Variants in PPFIA2 observed in about 807,000 individuals in gnomAD.
PPFIA2 encodes the protein liprin-alpha-2.
In PPFIA2, 46 loss-of-function variants were observed where a neutral mutation model predicts 175.5. The ratio of observed to expected loss-of-function variants is 0.26; its 90% CI spans 0.21 to 0.34. The LOEUF is 0.34. Among genes scored for constraint, PPFIA2 ranks in the 10% least tolerant of loss-of-function variants. The pLI is 1.00. For missense variants in PPFIA2, 1,179 were observed against 1,506.1 expected, an observed-to-expected ratio of 0.78 and a Z score of 3.60; for synonymous variants, 568 against 511.4, an observed-to-expected ratio of 1.11 and a Z score of -1.49.
chr12:81,529,785 A>G (rs746775161), intron 4 of PPFIA2, among the ~76,000 whole-genome samples: 16 of 151,932 alleles, frequency 1.1e-4, no homozygotes, highest in Admixed American at 3.3e-4. Flanking sequence ...TAAATTGTCC[A>G]GTTGGAGGAG....
At chr12:81,538,584 G>A (rs1008745809) in intron 4 of PPFIA2, among the ~76,000 whole-genome samples, 1 of 151,926 alleles carries the variant, frequency 6.6e-6, no homozygotes, top group Non-Finnish European at 1.5e-5. Flanking sequence ...AGGTATCATA[G>A]AGAAGATGCT....
intron 3 of PPFIA2, among the ~76,000 whole-genome samples, chr12:81,688,426 T>C (rs1195447058): frequency 2.0e-5 from 3 of 151,946 alleles, no homozygotes; most frequent in African/African-American, 7.2e-5. Flanking sequence ...GATCGGAGGC[T>C]CAATTACTGT....
At chr12:81,344,838 T>C (rs1405682377) in intron 18 of PPFIA2, 145 bp from the exon 19 acceptor site, 4 of 609,102 alleles carry the variant, frequency 6.6e-6, no homozygotes, top group Non-Finnish European at 1.1e-5. Flanking sequence ...CATATTTTAA[T>C]TACTATAAAA....
At chr12:81,660,818 A>T (rs2068704794) in intron 4 of PPFIA2, among the ~76,000 whole-genome samples, 1 of 152,228 alleles carries the variant, frequency 6.6e-6, no homozygotes, top group African/African-American at 2.4e-5. Flanking sequence ...TTACCCACAA[A>T]GGGAATCCCA....
chr12:81,569,906 C>A (rs1306523233), intron 4 of PPFIA2, among the ~76,000 whole-genome samples: 4 of 152,060 alleles, frequency 2.6e-5, no homozygotes, highest in Non-Finnish European at 5.9e-5. Flanking sequence ...TGGTAATAGG[C>A]AGTGAGGGCA....
chr12:81,449,255 A>T (rs1239092785), intron 5 of PPFIA2, among the ~76,000 whole-genome samples: 1 of 152,148 alleles, frequency 6.6e-6, no homozygotes, highest in Non-Finnish European at 1.5e-5. Context: ...AGCTGCAGCA[A>T]TCTAACTTGA....
chr12:81,753,806 T>C (rs2153666932), intron 3 of PPFIA2, among the ~76,000 whole-genome samples, 167 bp downstream of exon 3: 1 of 152,328 alleles, frequency 6.6e-6, no homozygotes, highest in East Asian at 1.9e-4. Flanking sequence ...ATGATTTTGT[T>C]TGAGGCAAGG....
chr12:81,386,249 G>A (rs2038910084), intron 8 of PPFIA2, among the ~76,000 whole-genome samples: 1 of 151,478 alleles, frequency 6.6e-6, no homozygotes, highest in African/African-American at 2.4e-5. Flanking sequence ...CAGCAATCCA[G>A]CATGGGCAAC....
intron 4 of PPFIA2, among the ~76,000 whole-genome samples, chr12:81,549,814 C>T (rs1456110270): frequency 6.6e-6 from 1 of 151,918 alleles, no homozygotes; most frequent in African/African-American, 2.4e-5. Context: ...TGCTGTCTGG[C>T]TGGTCATTTT....
chr12:81,756,233 C>G (rs748934934), intron 2 of PPFIA2, among the ~76,000 whole-genome samples: 1 of 152,106 alleles, frequency 6.6e-6, no homozygotes, highest in Non-Finnish European at 1.5e-5. Flanking sequence ...CCCAAACACT[C>G]ACAACGTTAG....
Position 81,384,231 on chromosome 12 carries a change from C to G in PPFIA2, c.776G>C (p.Gly259Ala), listed in dbSNP as rs757292505. The G allele has an allele frequency of 6.3e-7, 1 of 1,577,360 alleles. No individual in the cohort carries two copies. The highest frequency in any genetic ancestry group is 2.3e-5 in the East Asian group (1 of 43,732). ...QKVHEKRLSN[G>A]SIDSTDETSQ... Reference sequence around the variant, plus strand: ...AGTTTCATCGGTTGAGTCTATAGAACCATTGGACAAACGCTGCAGAAATAG... The same window carrying G: ...AGTTTCATCGGTTGAGTCTATAGAAGCATTGGACAAACGCTGCAGAAATAG... Residue 259 changes from glycine (G) to alanine (A), a missense_variant, in exon 9 of 33, where the codon GGT becomes GCT. Coordinates refer to ENST00000549396, the MANE Select transcript of PPFIA2 (RefSeq NM_003625.5).
In PPFIA2 at chr12:81,644,876, A is replaced by T. The variant is rs546163397; in HGVS notation, c.303+31915T>A. Among the ~76,000 whole-genome samples the T allele has an allele frequency of 1.7e-4, 26 of 152,262 alleles. No homozygotes were observed. In the South Asian group the frequency reaches 3.1e-3, roughly 18 times the overall value. The stretch of plus-strand genomic sequence containing the variant: ...TATTTTCATTTGATTTTTATTTTTT[A>T]AATGCTAAAAGTATAAAACATTTTG... On this transcript the variant is annotated intron_variant, in intron 4 of 32. Coordinates refer to ENST00000549396, the MANE Select transcript of PPFIA2 (RefSeq NM_003625.5).
chr12:81,737,284 C>G (rs2081722273), intron 3 of PPFIA2, among the ~76,000 whole-genome samples: 1 of 151,868 alleles, frequency 6.6e-6, no homozygotes, highest in Non-Finnish European at 1.5e-5. Context: ...CAAGTCCTTT[C>G]AAGATGCAGT....
intron 4 of PPFIA2, among the ~76,000 whole-genome samples, chr12:81,532,236 T>C (rs772122687): frequency 2.4e-4 from 36 of 151,874 alleles, no homozygotes; most frequent in Admixed American, 6.6e-4. Context: ...TGGAAGATTA[T>C]ATACCCTTGG....
intron 8 of PPFIA2, among the ~76,000 whole-genome samples, chr12:81,402,053 T>C (rs2042174196): frequency 6.6e-6 from 1 of 152,216 alleles, no homozygotes; most frequent in Non-Finnish European, 1.5e-5. Context: ...TTGTCAACTA[T>C]TTTGTCAACA....
chr12:81,421,646 T>C (rs990500164), intron 7 of PPFIA2, among the ~76,000 whole-genome samples: 4 of 151,926 alleles, frequency 2.6e-5, no homozygotes, highest in Admixed American at 2.6e-4. Flanking sequence ...GCAAAATGTA[T>C]AGAAAGCAAT....
intron 3 of PPFIA2, among the ~76,000 whole-genome samples, chr12:81,723,732 T>C (rs997717303): frequency 3.3e-5 from 5 of 150,966 alleles, no homozygotes; most frequent in South Asian, 2.1e-4. Flanking sequence ...TTAGAGAATA[T>C]AAAGACACTC....
chr12:81,500,301 T>C (rs1181217046), intron 4 of PPFIA2, among the ~76,000 whole-genome samples: 1 of 152,126 alleles, frequency 6.6e-6, no homozygotes, highest in Non-Finnish European at 1.5e-5. Context: ...CCCTATCCTA[T>C]AGAGCCTAGT....
chr12:81,286,545 G>A (rs947269719), intron 24 of PPFIA2, among the ~76,000 whole-genome samples: 3 of 151,992 alleles, frequency 2.0e-5, no homozygotes, highest in Non-Finnish European at 4.4e-5. Context: ...GGAGCAATAA[G>A]TTATACCACA....
Sources: allele counts gnomAD v4.1 joint callset (sites outside exome capture counted in the v4.1 genomes callset), GRCh38; gene constraint gnomAD v4.1.1; transcripts MANE v1.5; gene names NCBI Gene and HGNC (gene_info 2026-07-23, HGNC 2026-07-21).